Variants in BCAR3 observed in about 807,000 individuals in gnomAD.
The protein encoded by BCAR3 is BCAR3 adaptor protein, NSP family member.
A neutral mutation model predicts 80.1 loss-of-function variants in BCAR3; 37 were observed. The ratio of observed to expected loss-of-function variants is 0.46; its 90% CI spans 0.36 to 0.61. The LOEUF is 0.61. BCAR3 is among the 20% of genes least tolerant of loss of function. The pLI, the probability that BCAR3 is intolerant of heterozygous loss-of-function variation, is 0.00. For missense variants in BCAR3, 978 were observed against 1,068.2 expected, an observed-to-expected ratio of 0.92 and a Z score of 1.18; for synonymous variants, 389 against 418.9, an observed-to-expected ratio of 0.93 and a Z score of 0.87.
chr1:93,722,408 CAGAT>C, intron 2 of BCAR3, among the ~76,000 whole-genome samples: 1 of 152,294 alleles, frequency 6.6e-6, no homozygotes, highest in South Asian at 2.1e-4. Flanking sequence ...CTTCAGAAAT[CAGAT>C]AGCCACAGCT....
chr1:93,727,937 A>G (rs1650649456), intron 2 of BCAR3, among the ~76,000 whole-genome samples: 2 of 152,228 alleles, frequency 1.3e-5, no homozygotes, highest in Admixed American at 1.3e-4. Context: ...TCCTTAGAAG[A>G]GACAGGGCAA....
At chr1:93,829,294 T>C (rs1333462317) in intron 2 of BCAR3, among the ~76,000 whole-genome samples, 4 of 152,066 alleles carry the variant, frequency 2.6e-5, no homozygotes, top group Non-Finnish European at 5.9e-5. Context: ...GTGGTGGCTA[T>C]ACTTGTACAC....
At chr1:93,824,959 G>A (rs74101581) in intron 2 of BCAR3, among the ~76,000 whole-genome samples, 25,143 of 132,620 alleles carry the variant, frequency 0.19, 6,672 homozygotes, top group East Asian at 0.39. Context: ...AGCTTTGTTG[G>A]GCTTGGCTGT....
intron 3 of BCAR3, among the ~76,000 whole-genome samples, chr1:93,695,792 G>A (rs1304834110): frequency 6.6e-6 from 1 of 152,146 alleles, no homozygotes; most frequent in Non-Finnish European, 1.5e-5. Flanking sequence ...TGTGTTACTT[G>A]GCTTTTCTGC....
intron 8 of BCAR3, among the ~76,000 whole-genome samples, chr1:93,574,862 T>G (rs1673383516): frequency 6.6e-6 from 1 of 152,156 alleles, no homozygotes; most frequent in Non-Finnish European, 1.5e-5. Flanking sequence ...CAATGGGTAT[T>G]CCCGAACAAA....
At chr1:93,632,029 C>T (rs958270655) in intron 3 of BCAR3, among the ~76,000 whole-genome samples, 1 of 152,210 alleles carries the variant, frequency 6.6e-6, no homozygotes, top group Non-Finnish European at 1.5e-5. Flanking sequence ...ACCTGTTCAT[C>T]CATCTGGGCT....
rs1466395168 is a variant in BCAR3, at chr1:93,571,708, A to C, written c.1936T>G (p.Ser646Ala). ...AGGGCTTTCATGAGAGCTGAGAAGG[A>C]ATAGAGGTCCCCCATGGAATCCTTC... ...ELKDSMGDLY[S>A]FSALMKALEM... The change falls in exon 9 of 12, where the codon TCC becomes GCC. Residue 646 changes from serine to alanine, a missense_variant. Ser to Ala is a moderately conservative substitution (Grantham distance 99). Coordinates refer to ENST00000260502, the MANE Select transcript of BCAR3 (RefSeq NM_003567.4). 1.2e-6 allele frequency: 2 copies of C among 1,614,186 alleles called. No homozygotes were observed. The highest frequency in any genetic ancestry group is 2.2e-5 in the South Asian group (2 of 91,076).
intron 2 of BCAR3, among the ~76,000 whole-genome samples, chr1:93,837,031 A>T (rs1256074464): frequency 6.6e-6 from 1 of 152,110 alleles, no homozygotes; most frequent in African/African-American, 2.4e-5. Context: ...GTGATTAAAA[A>T]GCTTTATTGC....
chr1:93,789,705 C>T (rs1202463612), intron 2 of BCAR3, among the ~76,000 whole-genome samples: 1 of 152,174 alleles, frequency 6.6e-6, no homozygotes, highest in Non-Finnish European at 1.5e-5. Context: ...CATGAAGTGC[C>T]ATCATCTGGT....
At chr1:93,661,164 C>A (rs746612247) in intron 2 of BCAR3, among the ~76,000 whole-genome samples, 1 of 152,188 alleles carries the variant, frequency 6.6e-6, no homozygotes, top group Non-Finnish European at 1.5e-5. Flanking sequence ...CTCAGCCTCC[C>A]GAGTAGGTGG....
At chr1:93,669,608 T>C (rs928244419) in intron 2 of BCAR3, among the ~76,000 whole-genome samples, 1 of 152,214 alleles carries the variant, frequency 6.6e-6, no homozygotes, top group Non-Finnish European at 1.5e-5. Context: ...TTCCCAGGAA[T>C]GTGTGCCTCC....
At chr1:93,772,764 C>T (rs1652404016) in intron 2 of BCAR3, among the ~76,000 whole-genome samples, 2 of 152,042 alleles carry the variant, frequency 1.3e-5, no homozygotes, top group African/African-American at 4.8e-5. Context: ...CGCCACCACG[C>T]CCAGCTAATT....
chr1:93,638,947 A>G (rs1328995938), intron 3 of BCAR3, among the ~76,000 whole-genome samples: 1 of 152,242 alleles, frequency 6.6e-6, no homozygotes, highest in Admixed American at 6.5e-5. Flanking sequence ...AGACGGAAAC[A>G]GTGAGGAATG....
At chr1:93,838,229 C>G (rs144182073) in intron 2 of BCAR3, among the ~76,000 whole-genome samples, 1 of 152,146 alleles carries the variant, frequency 6.6e-6, no homozygotes, top group African/African-American at 2.4e-5. Flanking sequence ...AGGGCATGGC[C>G]CTGCTTCCCG....
At chr1:93,703,572 GA>G (rs5776186) in intron 3 of BCAR3, among the ~76,000 whole-genome samples, 112,427 of 140,714 alleles carry the variant, frequency 0.8, 47,965 homozygotes, top group East Asian at 0.97. Context: ...CTCTTAAAAA[GA>G]AAAAAAAAAA....
chr1:93,719,510 T>G (rs1650314877), intron 2 of BCAR3, among the ~76,000 whole-genome samples: 1 of 151,682 alleles, frequency 6.6e-6, no homozygotes, highest in South Asian at 2.1e-4. Flanking sequence ...CCGGCTAATT[T>G]TTTTGTATTT....
intron 2 of BCAR3, among the ~76,000 whole-genome samples, chr1:93,842,820 C>A (rs1244421552): frequency 1.3e-5 from 2 of 152,178 alleles, no homozygotes; most frequent in Admixed American, 6.5e-5. Context: ...AAGGACCCAT[C>A]CAACCCTCAT....
intron 2 of BCAR3, among the ~76,000 whole-genome samples, chr1:93,733,010 C>G (rs944912509): frequency 2.6e-5 from 4 of 152,162 alleles, no homozygotes; most frequent in Admixed American, 2.6e-4. Flanking sequence ...TCTGAGTCCC[C>G]CAGCAAAGAA....
chr1:93,742,689 G>A (rs1337603812), intron 2 of BCAR3, among the ~76,000 whole-genome samples: 3 of 152,186 alleles, frequency 2.0e-5, no homozygotes, highest in Non-Finnish European at 4.4e-5. Context: ...TAAAATTGCT[G>A]GTACTAAAAG....
Sources: allele counts gnomAD v4.1 joint callset (sites outside exome capture counted in the v4.1 genomes callset), GRCh38; gene constraint gnomAD v4.1.1; transcripts MANE v1.5; gene names NCBI Gene and HGNC (gene_info 2026-07-23, HGNC 2026-07-21).